Variants in BRINP1 observed in about 807,000 individuals in gnomAD.
BRINP1 encodes BMP/retinoic acid-inducible neural-specific protein 1.
Under a neutral mutation model 72.9 loss-of-function variants are expected in BRINP1, and 17 were observed. The observed-to-expected ratio is 0.23, with a 90% CI of 0.16 to 0.35. The LOEUF (loss-of-function observed/expected upper bound fraction) is 0.35. BRINP1 is among the 10% of genes least tolerant of loss of function. BRINP1 has a pLI of 1.00. For synonymous variants in BRINP1, 418 were observed against 378.5 expected (o/e 1.10, Z -1.21); for missense variants, 850 against 1,001.6 (o/e 0.85, Z 2.04).
intron 5 of BRINP1, among the ~76,000 whole-genome samples, chr9:119,223,049 C>T (rs1323921855): frequency 1.3e-5 from 2 of 151,934 alleles, no homozygotes; most frequent in East Asian, 1.9e-4. Flanking sequence ...TCCTGCCATA[C>T]CATTATCTCT....
chr9:119,169,017 A>G (rs533639830), intron 7 of BRINP1, among the ~76,000 whole-genome samples: 6 of 152,308 alleles, frequency 3.9e-5, no homozygotes, highest in African/African-American at 1.4e-4. Flanking sequence ...ATTCTACTAT[A>G]AAGACATGTA....
In BRINP1 at chr9:119,167,608, C is replaced by T. The variant is rs1304067365; in HGVS notation, c.1762G>A (p.Glu588Lys). 6 of 1,614,152 alleles carry T rather than the reference C, an allele frequency of 3.7e-6. No homozygotes were observed. The highest frequency in any genetic ancestry group is 5.1e-6 in the Non-Finnish European group (6 of 1,180,044). Residue 588 changes from glutamate (E) to lysine (K), a missense_variant, in exon 8 of 8, where the codon GAG becomes AAG. Coordinates refer to ENST00000265922, the MANE Select transcript of BRINP1 (RefSeq NM_014618.3). The surrounding 1 kb of genome is among the most constrained non-coding windows in gnomAD (Gnocchi z 4.3). ...PFGEFGYPRWEKIRLQNSQCY... is the reference protein window; with the variant it reads ...PFGEFGYPRWKKIRLQNSQCY... ...TGGCTGTTTTGGAGACGGATCTTCT[C>T]CCAGCGTGGGTAGCCAAATTCCCCG...
intron 1 of BRINP1, among the ~76,000 whole-genome samples, chr9:119,343,980 T>A (rs1398213064): frequency 6.6e-6 from 1 of 152,142 alleles, no homozygotes; most frequent in Non-Finnish European, 1.5e-5. Flanking sequence ...CTCAATCGCT[T>A]CCCCATCCTC....
intron 7 of BRINP1, among the ~76,000 whole-genome samples, chr9:119,169,450 T>C (rs1029312365): frequency 1.3e-5 from 2 of 152,136 alleles, no homozygotes; most frequent in African/African-American, 2.4e-5. Flanking sequence ...CACCGCGAGA[T>C]TATATTACCG....
At chr9:119,193,872 G>C (rs1588160277) in intron 7 of BRINP1, among the ~76,000 whole-genome samples, 1 of 152,290 alleles carries the variant, frequency 6.6e-6, no homozygotes, top group Admixed American at 6.5e-5. Context: ...AATGTAGTAA[G>C]CCAGAAGTGA....
intron 3 of BRINP1, 50 bp from the exon 4 acceptor site, chr9:119,242,266 AG>A: frequency 1.3e-6 from 2 of 1,491,434 alleles, no homozygotes; most frequent in Non-Finnish European, 1.8e-6. Context: ...CTTTCATGTG[AG>A]AGGACAGGGA....
At position 119,208,740 on chromosome 9, in the gene BRINP1, T is replaced by C; in HGVS notation, c.1124A>G (p.Asn375Ser). ...GLSVRCRHNP[N>S]HQLPRERTIQ... ...TTACCTCTCTCTAGGCAGCTGGTGGTTGGGATTGTGGCGACAGCGTACACT... is the reference window on the plus strand; with the variant it reads ...TTACCTCTCTCTAGGCAGCTGGTGGCTGGGATTGTGGCGACAGCGTACACT... The change falls in exon 7 of 8, where the codon AAC becomes AGC. Residue 375 changes from asparagine to serine, a missense_variant. By Grantham distance (46) the Asn-to-Ser change is conservative (BLOSUM62 1). Transcript: ENST00000265922. 1 of 1,613,202 alleles carries C rather than the reference T, an allele frequency of 6.2e-7. No homozygotes were observed. The highest frequency in any genetic ancestry group is 8.5e-7 in the Non-Finnish European group (1 of 1,180,002).
chr9:119,357,919 T>G (rs1324623), intron 1 of BRINP1, among the ~76,000 whole-genome samples: 102,296 of 152,010 alleles, frequency 0.67, 34,829 homozygotes, highest in East Asian at 1. Flanking sequence ...TCAGCTGGTG[T>G]ATAAAGGAAT....
chr9:119,250,437 T>C (rs933246103), intron 2 of BRINP1, among the ~76,000 whole-genome samples: 1 of 152,160 alleles, frequency 6.6e-6, no homozygotes, highest in Non-Finnish European at 1.5e-5. Context: ...TCTTACAAAT[T>C]ATGTGTTGTG....
At chr9:119,273,521 C>T (rs191285200) in intron 2 of BRINP1, among the ~76,000 whole-genome samples, 14 of 152,246 alleles carry the variant, frequency 9.2e-5, no homozygotes, top group Admixed American at 2.6e-4. Flanking sequence ...TGGCTCAAAA[C>T]TGCATGGAGT....
intron 2 of BRINP1, among the ~76,000 whole-genome samples, chr9:119,272,203 T>A (rs1830614767): frequency 6.6e-6 from 1 of 150,802 alleles, no homozygotes; most frequent in African/African-American, 2.5e-5. Flanking sequence ...CTCAGCCTCC[T>A]GAGAGCTAGG....
At chr9:119,198,067 G>T (rs569586255) in intron 7 of BRINP1, among the ~76,000 whole-genome samples, 1 of 152,228 alleles carries the variant, frequency 6.6e-6, no homozygotes, top group Non-Finnish European at 1.5e-5. Context: ...ATTATGGTAT[G>T]GTTTATGCAG....
intron 7 of BRINP1, among the ~76,000 whole-genome samples, chr9:119,186,870 T>C (rs1479583060): frequency 6.6e-6 from 1 of 152,142 alleles, no homozygotes; most frequent in Admixed American, 6.5e-5. Flanking sequence ...GTAGCTGTTA[T>C]GTCCCACCAT....
intron 2 of BRINP1, among the ~76,000 whole-genome samples, chr9:119,281,870 T>C (rs1486668190): frequency 6.6e-6 from 1 of 152,204 alleles, no homozygotes; most frequent in African/African-American, 2.4e-5. Context: ...ATTACAAGAA[T>C]GCACCATAAT....
At chr9:119,168,302 C>G in intron 7 of BRINP1, 78 bp from the exon 8 acceptor site, 1 of 1,179,942 alleles carries the variant, frequency 8.5e-7, no homozygotes, top group Non-Finnish European at 1.1e-6. Flanking sequence ...ACTGATAATG[C>G]GAACTGGAGC....
rs1338561255 is a variant in BRINP1 at position 119,247,160 on chromosome 9, A to T, written c.409+1800T>A. Among the ~76,000 whole-genome samples the T allele has an allele frequency of 2.0e-5, 3 of 152,212 alleles. No homozygotes were observed. In the East Asian group the frequency reaches 5.8e-4, roughly 29 times the overall value. Reference sequence around the variant, plus strand: ...GAAATGGAGGGGGTGATGTCCAAAGAAAAGAGTTTAGGTTAATGCTACACT... The same window carrying T: ...GAAATGGAGGGGGTGATGTCCAAAGTAAAGAGTTTAGGTTAATGCTACACT... On this transcript the variant is annotated intron_variant, in intron 3 of 7. Coordinates refer to ENST00000265922, the MANE Select transcript of BRINP1 (RefSeq NM_014618.3).
intron 7 of BRINP1, among the ~76,000 whole-genome samples, chr9:119,205,716 G>C (rs993583843): frequency 6.6e-6 from 1 of 152,106 alleles, no homozygotes; most frequent in Non-Finnish European, 1.5e-5. Flanking sequence ...GATGATGCTT[G>C]GTGTTCTGGA....
chr9:119,324,827 C>G (rs975665413), intron 1 of BRINP1, among the ~76,000 whole-genome samples: 1 of 152,160 alleles, frequency 6.6e-6, no homozygotes, highest in African/African-American at 2.4e-5. Flanking sequence ...TGGCCGGGCA[C>G]AGTGGCTCAT....
intron 1 of BRINP1, among the ~76,000 whole-genome samples, chr9:119,341,051 TC>T (rs2119023526): frequency 6.6e-6 from 1 of 152,338 alleles, no homozygotes; most frequent in East Asian, 1.9e-4. Context: ...TCTTTGGACT[TC>T]CTTCTTCCAT....
Sources: allele counts gnomAD v4.1 joint callset (sites outside exome capture counted in the v4.1 genomes callset), GRCh38; gene constraint gnomAD v4.1.1; non-coding constraint Gnocchi (gnomAD v3.1); transcripts MANE v1.5; gene names NCBI Gene and HGNC (gene_info 2026-07-23, HGNC 2026-07-21).